The following SLC26A4 variants were observed in gnomAD, a reference collection of about 807,000 sequenced individuals.
SLC26A4 encodes the protein pendrin.
SLC26A4 carries 93 observed loss-of-function variants against 90.4 expected under a neutral mutation model. That is an observed-to-expected ratio of 1.03 (90% CI 0.87 to 1.22). SLC26A4 has a LOEUF of 1.22. Among genes scored for constraint, SLC26A4 ranks in the 50% most tolerant of loss-of-function variants. The probability of loss-of-function intolerance (pLI) is 0.00; values close to 1 mark genes in which losing one functional copy is unlikely to be tolerated. For synonymous variants in SLC26A4, 393 were observed against 354.6 expected, an observed-to-expected ratio of 1.11 and a Z score of -1.22; for missense variants, 1,127 against 946.2, an observed-to-expected ratio of 1.19 and a Z score of -2.51.
At chr7:107,686,125 A>T (rs1233801291) in intron 8 of SLC26A4, among the ~76,000 whole-genome samples, 1 of 149,294 alleles carries the variant, frequency 6.7e-6, no homozygotes, top group Non-Finnish European at 1.5e-5. Context: ...GTGTGTGTGT[A>T]TAAACCCATA....
chr7:107,661,739 A>T lies in SLC26A4; in HGVS notation c.98A>T (p.Gln33Leu). Residue 33 changes from glutamine to leucine, a missense_variant, in exon 2 of 21, where the codon CAG becomes CTG. Transcript: ENST00000644269. This position sits in a 1 kb window ranked among gnomAD's most constrained non-coding sequence, Gnocchi z 5.1. ...CCGGTCTACAGCGAGCTCGCTTTCC[A>T]GCAACAGCACGAGCGGCGCCTGCAG... ...SRPVYSELAFQQQHERRLQER... is the reference protein window; with the variant it reads ...SRPVYSELAFLQQHERRLQER... 1 of 1,553,206 alleles carries T rather than the reference A, an allele frequency of 6.4e-7. No homozygotes were observed. The highest frequency in any genetic ancestry group is 8.7e-7 in the Non-Finnish European group (1 of 1,152,608).
Position 107,661,887 on chromosome 7 carries a change from G to GA in SLC26A4, c.164+83dup, listed in dbSNP as rs910005907. The GA allele has an allele frequency of 1.4e-6, 2 of 1,442,360 alleles. No individual in the cohort carries two copies. Among genetic ancestry groups the GA allele is most frequent in the Non-Finnish European group, 1.8e-6 (2 of 1,083,952 alleles). The allele number at this position is 1,442,360 out of a possible 1,614,324, so 89.3% of individuals were successfully genotyped here. A position where few individuals can be genotyped will look rare whatever the true frequency, so the allele number is the denominator to read the frequency against. On this transcript the variant is annotated intron_variant, in intron 2 of 20. Coordinates refer to ENST00000644269, the MANE Select transcript of SLC26A4 (RefSeq NM_000441.2). The surrounding 1 kb of genome is among the most constrained non-coding windows in gnomAD (Gnocchi z 5.1). ...GGAGGGAAGGGCGTCCCCAGCGGGC[G>GA]AGAGTGGGGTGCGGGCGGCGGAGCC...
chr7:107,689,427 AG>A (rs1791509082), intron 9 of SLC26A4, among the ~76,000 whole-genome samples: 1 of 152,208 alleles, frequency 6.6e-6, no homozygotes, highest in Non-Finnish European at 1.5e-5. Flanking sequence ...ATTTTAAAAG[AG>A]CTAATTCAGT....
At chr7:107,693,550 A>C (rs1336820485) in intron 10 of SLC26A4, 1 of 984,580 alleles carries the variant, frequency 1.0e-6, no homozygotes, top group Non-Finnish European at 1.2e-6. Flanking sequence ...TCTTTGTTTC[A>C]GAGCTTCTAA....
chr7:107,691,750 T>C, intron 10 of SLC26A4: 2 of 1,031,934 alleles, frequency 1.9e-6, no homozygotes, highest in Non-Finnish European at 2.4e-6. Context: ...CAAAAAATTT[T>C]ATTTTCAGAA....
At chr7:107,665,826 G>A (rs1462312166) in intron 3 of SLC26A4, among the ~76,000 whole-genome samples, 1 of 152,158 alleles carries the variant, frequency 6.6e-6, no homozygotes, top group Non-Finnish European at 1.5e-5. Flanking sequence ...GGGTCACGTG[G>A]CTGGTAAGTG....
intron 5 of SLC26A4, 68 bp from the exon 6 acceptor site, chr7:107,674,877 A>G (rs1319996683): frequency 3.4e-6 from 5 of 1,459,924 alleles, no homozygotes; most frequent in Non-Finnish European, 4.8e-6. Flanking sequence ...GCTTGATGTA[A>G]TATTTCCAGA....
At chr7:107,675,219 A>C (rs1790989540) in intron 6 of SLC26A4, 110 bp downstream of exon 6, 7 of 1,053,772 alleles carry the variant, frequency 6.6e-6, no homozygotes, top group Non-Finnish European at 8.7e-6. Flanking sequence ...TAATCCCAGC[A>C]CTTTGGAAGG....
rs770874403 is a variant in SLC26A4 at position 107,683,526 on chromosome 7, C to T, written c.990C>T (p.Ser330=). The change falls in exon 8 of 21, where the codon TCC becomes TCT. Residue 330 remains serine (S), a synonymous_variant. Transcript: ENST00000644269. ...ATTACAATGCTGGCATTGTTAAATC[C>T]ATCCCAAGGGGGTGAGTGTGGTGTT... The part of the protein sequence containing the change: ...EKNYNAGIVK[S]IPRGFLPPEL... The T allele has an allele frequency of 1.1e-5, 17 of 1,613,334 alleles. No homozygotes were observed. In the African/African-American group the frequency reaches 2.3e-4, roughly 22 times the overall value.
At chr7:107,666,328 C>T (rs945900736) in intron 3 of SLC26A4, among the ~76,000 whole-genome samples, 1 of 152,024 alleles carries the variant, frequency 6.6e-6, no homozygotes, top group Non-Finnish European at 1.5e-5. Flanking sequence ...CCCAGGTGAT[C>T]CTCCCATCTC....
chr7:107,695,278 C>T (rs1028729366), intron 12 of SLC26A4, among the ~76,000 whole-genome samples: 1 of 151,974 alleles, frequency 6.6e-6, no homozygotes, highest in Non-Finnish European at 1.5e-5. Context: ...AGCACAGACA[C>T]AGGCAGAAAT....
At chr7:107,703,541 A>G (rs1398833615) in intron 17 of SLC26A4, among the ~76,000 whole-genome samples, 5 of 152,228 alleles carry the variant, frequency 3.3e-5, no homozygotes, top group African/African-American at 1.2e-4. Context: ...ATTTCACTCT[A>G]AGCATTGGCT....
chr7:107,661,848 C>T lies in SLC26A4; in HGVS notation c.164+43C>T. 7 of 1,520,336 alleles carry T rather than the reference C, an allele frequency of 4.6e-6. No homozygotes were observed. The highest frequency in any genetic ancestry group is 6.2e-6 in the Non-Finnish European group (7 of 1,136,450). The allele number at this position is 1,520,336 out of a possible 1,614,324, so 94.2% of individuals were successfully genotyped here. On this transcript the variant is annotated intron_variant, in intron 2 of 20. Coordinates refer to ENST00000644269, the MANE Select transcript of SLC26A4 (RefSeq NM_000441.2). This position sits in a 1 kb window ranked among gnomAD's most constrained non-coding sequence, Gnocchi z 5.1. ...CTGCGTAGAGAGAAGCGGAGCGGGG[C>T]GTCCACGCCTTGGGGAGGGAAGGGC...
chr7:107,690,269 A>G lies in SLC26A4; in HGVS notation c.1263+32A>G, dbSNP rs774232539. 10 of 1,261,100 alleles carry G rather than the reference A, an allele frequency of 7.9e-6. No homozygotes were observed. In the South Asian group the frequency reaches 1.2e-4, roughly 15 times the overall value. The allele number at this position is 1,261,100 out of a possible 1,614,324, so 78.1% of individuals were successfully genotyped here. ...ACAACAGCCTTATGATATCCATCTCAGAGAACAAGTCGAGGAATGGCAACA... is the reference window on the plus strand; with the variant it reads ...ACAACAGCCTTATGATATCCATCTCGGAGAACAAGTCGAGGAATGGCAACA... On this transcript the variant is annotated intron_variant, in intron 10 of 20. Coordinates refer to ENST00000644269, the MANE Select transcript of SLC26A4 (RefSeq NM_000441.2).
Position 107,700,134 on chromosome 7 carries a change from T to C in SLC26A4, c.1666T>C (p.Tyr556His). 1 of 1,593,748 alleles carries C rather than the reference T, an allele frequency of 6.3e-7. No homozygotes were observed. Among genetic ancestry groups the C allele is most frequent in the Non-Finnish European group, 8.6e-7 (1 of 1,161,500 alleles). The change falls in exon 15 of 21, where the codon TAT becomes CAT. Residue 556 changes from tyrosine to histidine, a missense_variant. Coordinates refer to ENST00000644269, the MANE Select transcript of SLC26A4 (RefSeq NM_000441.2). ...KILRFSSPIF[Y>H]GNVDGFKKCI... ...TCTTAGATTTTCCAGTCCTATTTTCTATGGCAATGTCGATGGTTTTAAAAA... is the reference window on the plus strand; with the variant it reads ...TCTTAGATTTTCCAGTCCTATTTTCCATGGCAATGTCGATGGTTTTAAAAA...
At chr7:107,669,857 A>G (rs1014198194) in intron 3 of SLC26A4, among the ~76,000 whole-genome samples, 5 of 152,190 alleles carry the variant, frequency 3.3e-5, no homozygotes, top group Non-Finnish European at 5.9e-5. Context: ...GCACATAAAT[A>G]CTTATCTATA....
In SLC26A4 at chr7:107,712,579, T is replaced by C. The variant is rs1286223703; in HGVS notation, c.2276T>C (p.Ile759Thr). Residue 759 changes from isoleucine to threonine, a missense_variant, in exon 20 of 21, where the codon ATA (isoleucine) becomes ACA (threonine). By Grantham distance (89) the Ile-to-Thr change is moderately conservative (BLOSUM62 -1). Transcript: ENST00000644269. ...IQDCKDTLEL[I>T]ETELTEEELD... ...GATTGTAAAGATACCCTTGAATTAA[T>C]AGAAACAGAGCTGACGGAAGAAGAA... 2 of 1,594,064 alleles carry C rather than the reference T, an allele frequency of 1.3e-6. No individual in the cohort carries two copies. Among genetic ancestry groups the C allele is most frequent in the Admixed American group, 1.7e-5 (1 of 60,002 alleles).
At chr7:107,712,504 C>A in intron 19 of SLC26A4, 35 bp from the exon 20 acceptor site, 2 of 1,068,536 alleles carry the variant, frequency 1.9e-6, no homozygotes, top group African/African-American at 1.5e-5. Context: ...TGGGTTGATG[C>A]TATTCTATTT....
Position 107,704,346 on chromosome 7 carries a change from C to A in SLC26A4, c.2050C>A (p.Gln684Lys). The A allele has an allele frequency of 1.4e-6, 2 of 1,388,754 alleles. No individual in the cohort carries two copies. The highest frequency in any genetic ancestry group is 2.0e-6 in the Non-Finnish European group (2 of 978,946). 86.0% of individuals were successfully genotyped at this position (1,388,754 alleles called of 1,614,324 possible). Residue 684 changes from glutamine (Q) to lysine (K), a missense_variant, in exon 18 of 21, where the codon CAA (glutamine) becomes AAA (lysine). Transcript: ENST00000644269. ...TTATTTTTAGATTGTCAAAGAATTCCAAAGAATTGATGTGAATGTGTATTT... is the reference window on the plus strand; with the variant it reads ...TTATTTTTAGATTGTCAAAGAATTCAAAAGAATTGATGTGAATGTGTATTT... The part of the protein sequence containing the change: ...RSLRVIVKEF[Q>K]RIDVNVYFAS...
Sources: allele counts gnomAD v4.1 joint callset (sites outside exome capture counted in the v4.1 genomes callset), GRCh38; gene constraint gnomAD v4.1.1; non-coding constraint Gnocchi (gnomAD v3.1); transcripts MANE v1.5; gene names NCBI Gene and HGNC (gene_info 2026-07-23, HGNC 2026-07-21).